GLRA2: variants seen among roughly 807,000 people sequenced by gnomAD.
The protein encoded by GLRA2 is glycine receptor subunit alpha-2.
In GLRA2, 11 loss-of-function variants were observed where a neutral mutation model predicts 31.6. The observed-to-expected ratio is 0.35, with a 90% CI of 0.22 to 0.58. GLRA2 has a LOEUF of 0.58. GLRA2 is among the 20% of genes least tolerant of loss of function. GLRA2 has a pLI of 0.84. For synonymous variants in GLRA2, 132 were observed against 134.0 expected, an observed-to-expected ratio of 0.99 and a Z score of 0.10; for missense variants, 212 against 351.8, an observed-to-expected ratio of 0.60 and a Z score of 3.18.
At chrX:14,701,862 G>A (rs1267207718) in intron 8 of GLRA2, among the ~76,000 whole-genome samples, 1 of 112,319 alleles carries the variant, frequency 8.9e-6, no homozygotes, top group African/African-American at 3.2e-5. Flanking sequence ...AAGAAAACTT[G>A]TATCAACTAG....
intron 8 of GLRA2, among the ~76,000 whole-genome samples, chrX:14,699,465 A>T (rs2147205463): frequency 8.9e-6 from 1 of 112,252 alleles, no homozygotes; most frequent in South Asian, 3.7e-4. Context: ...ATTGACACAT[A>T]ATAGTTGTAT....
chrX:14,696,908 C>T (rs1260264164), intron 8 of GLRA2, among the ~76,000 whole-genome samples: 1 of 111,676 alleles, frequency 9.0e-6, no homozygotes, highest in Admixed American at 9.5e-5. Context: ...TGTTTTATTA[C>T]CAAAGTTAAG....
intron 7 of GLRA2, among the ~76,000 whole-genome samples, chrX:14,669,568 C>G (rs2091069727): frequency 9.0e-6 from 1 of 111,064 alleles, no homozygotes; most frequent in African/African-American, 3.3e-5. Flanking sequence ...CAGTTCTTGA[C>G]TTTTGTACAC....
intron 7 of GLRA2, among the ~76,000 whole-genome samples, chrX:14,634,941 G>A (rs2090693304): frequency 8.9e-6 from 1 of 111,896 alleles, no homozygotes; most frequent in African/African-American, 3.2e-5. Context: ...GAATCCAGAT[G>A]GATAAGTACT....
chrX:14,709,165 T>TC, intron 8 of GLRA2, among the ~76,000 whole-genome samples: 1 of 110,908 alleles, frequency 9.0e-6, no homozygotes, highest in East Asian at 2.8e-4. Flanking sequence ...GGCCAGCAGT[T>TC]CAAGGCTGCA....
intron 2 of GLRA2, among the ~76,000 whole-genome samples, chrX:14,550,537 C>T (rs2089546544): frequency 9.0e-6 from 1 of 110,717 alleles, no homozygotes; most frequent in Admixed American, 9.6e-5. Context: ...AGTATTCTGT[C>T]ATCTGCCACA....
chrX:14,695,553 T>C (rs2091432912), intron 8 of GLRA2, among the ~76,000 whole-genome samples: 1 of 112,096 alleles, frequency 8.9e-6, no homozygotes, highest in African/African-American at 3.2e-5. Context: ...AGTTCATAGA[T>C]GGAGATACTG....
chrX:14,687,000 T>C (rs897832419), intron 7 of GLRA2, among the ~76,000 whole-genome samples: 1 of 112,093 alleles, frequency 8.9e-6, no homozygotes, highest in Non-Finnish European at 1.9e-5. Context: ...GCAGGCCTTG[T>C]GGTGACAAAA....
chrX:14,487,015 T>G, the GLRA2 span, among the ~76,000 whole-genome samples: 1 of 110,221 alleles, frequency 9.1e-6, no homozygotes, highest in East Asian at 2.8e-4. Context: ...ACTTCAGAGG[T>G]TTGGACAGTA....
chrX:14,588,826 T>A (rs1314433502), intron 4 of GLRA2, among the ~76,000 whole-genome samples: 2 of 111,560 alleles, frequency 1.8e-5, no homozygotes, highest in African/African-American at 6.5e-5. Flanking sequence ...AGTATTTCAT[T>A]TTTTTTGTAG....
the GLRA2 span, among the ~76,000 whole-genome samples, chrX:14,518,944 G>A: frequency 6.8e-5 from 7 of 102,195 alleles, no homozygotes; most frequent in South Asian, 4.8e-4. Flanking sequence ...CCCAGGAGGC[G>A]GAGCTTGAAG....
chrX:14,589,722 G>GTATACACACATATA (rs2090123994), intron 4 of GLRA2, among the ~76,000 whole-genome samples: 2 of 43,282 alleles, frequency 4.6e-5, no homozygotes, highest in Non-Finnish European at 9.4e-5. Context: ...ACACATATAT[G>GTATACACACATATA]TGTGTGTATA....
intron 8 of GLRA2, among the ~76,000 whole-genome samples, chrX:14,711,388 G>A (rs1441532608): frequency 2.7e-5 from 3 of 112,393 alleles, no homozygotes; most frequent in Non-Finnish European, 5.6e-5. Context: ...CAGAGGTTCT[G>A]ATACGCTAAT....
intron 2 of GLRA2, among the ~76,000 whole-genome samples, chrX:14,547,036 C>G (rs969706534): frequency 9.0e-6 from 1 of 111,403 alleles, no homozygotes; most frequent in Non-Finnish European, 1.9e-5. Flanking sequence ...AAGTATCCAT[C>G]AGTGACATCA....
At chrX:14,497,528 G>A in the GLRA2 span, among the ~76,000 whole-genome samples, 1 of 110,724 alleles carries the variant, frequency 9.0e-6, no homozygotes, top group Non-Finnish European at 1.9e-5. Context: ...GTGGTCCTGG[G>A]CTTTGCAAAC....
At chrX:14,575,143 G>A (rs1271972932) in intron 3 of GLRA2, among the ~76,000 whole-genome samples, 1 of 108,074 alleles carries the variant, frequency 9.3e-6, no homozygotes, top group Non-Finnish European at 1.9e-5. Context: ...TATACAGTAT[G>A]AGTAAACATG....
At chrX:14,692,201 G>C (rs1389467393) in intron 8 of GLRA2, among the ~76,000 whole-genome samples, 5 of 112,044 alleles carry the variant, frequency 4.5e-5, no homozygotes, top group Non-Finnish European at 9.4e-5. Context: ...TCCTGCCATA[G>C]ATAAGGAAAA....
intron 8 of GLRA2, among the ~76,000 whole-genome samples, chrX:14,714,589 C>T (rs6630894): frequency 3.7e-4 from 41 of 111,852 alleles, no homozygotes; most frequent in African/African-American, 1.3e-3. Context: ...CATACCACAA[C>T]TGAGTTCTGT....
the GLRA2 span, among the ~76,000 whole-genome samples, chrX:14,472,431 G>A: frequency 1.8e-5 from 2 of 111,081 alleles, no homozygotes; most frequent in Non-Finnish European, 3.8e-5. Context: ...GTAAATGTGT[G>A]CCATGGTGGT....
Sources: gnomAD v4.1 joint callset for allele counts (sites outside exome capture counted in the v4.1 genomes callset) on GRCh38, gnomAD v4.1.1 for gene constraint, MANE v1.5 for transcripts, NCBI Gene and HGNC (gene_info 2026-07-23, HGNC 2026-07-21) for gene names.